Variants in CPNE8 observed in about 807,000 individuals in gnomAD.
The protein encoded by CPNE8 is copine-8.
CPNE8 carries 45 observed loss-of-function variants against 81.5 expected under a neutral mutation model. The observed-to-expected ratio is 0.55, with a 90% CI of 0.44 to 0.71. The LOEUF is 0.71. Ranked by LOEUF, CPNE8 falls within the 30% of genes least tolerant of loss-of-function variation. CPNE8 has a pLI of 0.00. For missense variants in CPNE8, 594 were observed against 672.1 expected (o/e 0.88, Z 1.28); for synonymous variants, 252 against 226.3 (o/e 1.11, Z -1.02).
intron 15 of CPNE8, 195 bp from the exon 16 acceptor site, chr12:38,685,812 G>A: frequency 2.3e-6 from 1 of 432,218 alleles, no homozygotes; most frequent in Non-Finnish European, 4.1e-6. Flanking sequence ...ATATTATGTA[G>A]ATAATAACAT....
chr12:38,655,248 G>A (rs545166752), intron 19 of CPNE8, among the ~76,000 whole-genome samples: 3 of 152,110 alleles, frequency 2.0e-5, no homozygotes, highest in South Asian at 2.1e-4. Flanking sequence ...AGCCCTTATC[G>A]GCTCAATACC....
rs1944557333 is a variant in CPNE8 at position 38,905,511 on chromosome 12, A to T, written c.24T>A (p.Thr8=). 1 of 1,570,716 alleles carries T rather than the reference A, an allele frequency of 6.4e-7. No individual in the cohort carries two copies. Among genetic ancestry groups the T allele is most frequent in the African/African-American group, 1.3e-5 (1 of 74,258 alleles). The change falls in exon 1 of 20, where the codon ACT becomes ACA. Residue 8 remains threonine, a synonymous_variant. Transcript: ENST00000331366. MDSRYNS[T]AGIGDLNQLS... ...GCTGGTTCAAGTCCCCGATGCCCGC[A>T]GTGCTGTTGTAGCGGCTGTCCATAT... is the stretch of plus-strand genomic sequence containing the variant.
At chr12:38,777,347 C>T (rs185752069) in intron 6 of CPNE8, among the ~76,000 whole-genome samples, 1 of 152,062 alleles carries the variant, frequency 6.6e-6, no homozygotes, top group Non-Finnish European at 1.5e-5. Flanking sequence ...TTTTGTACAG[C>T]TGTGCAATGT....
At chr12:38,782,452 G>A (rs955167854) in intron 6 of CPNE8, among the ~76,000 whole-genome samples, 1 of 152,006 alleles carries the variant, frequency 6.6e-6, no homozygotes, top group African/African-American at 2.4e-5. Flanking sequence ...ATCATATTGT[G>A]GTTGTGTAAA....
rs34024109 is a variant in CPNE8, at chr12:38,905,463, C to G, written c.72G>C (p.Thr24=). 17,221 of 1,571,890 alleles carry G rather than the reference C, an allele frequency of 0.011. 246 individuals carry two copies. The highest frequency in any genetic ancestry group is 0.047 in the South Asian group (4,056 of 85,618). ...TGCAGGACACGGACACCTCCACCCG[C>G]GTGGCCGGGATGGCAGCGCTCAGCT... ...LNQLSAAIPA[T]RVEVSVSCRN... is the part of the protein sequence containing the mutation. Residue 24 remains threonine (T), a synonymous_variant, in exon 1 of 20, where the codon ACG becomes ACC. Coordinates refer to ENST00000331366, the MANE Select transcript of CPNE8 (RefSeq NM_153634.3).
intron 13 of CPNE8, among the ~76,000 whole-genome samples, chr12:38,709,488 C>T (rs1051499335): frequency 2.0e-5 from 3 of 152,140 alleles, no homozygotes; most frequent in African/African-American, 4.8e-5. Context: ...TCATGATTCA[C>T]GTGATCTTGA....
chr12:38,787,356 T>C (rs1158918404), intron 6 of CPNE8, among the ~76,000 whole-genome samples: 5 of 151,408 alleles, frequency 3.3e-5, no homozygotes, highest in South Asian at 2.1e-4. Flanking sequence ...CTGAAATGAA[T>C]GGTGGGTCAG....
At chr12:38,836,033 T>C (rs1040802464) in intron 5 of CPNE8, among the ~76,000 whole-genome samples, 2 of 152,176 alleles carry the variant, frequency 1.3e-5, no homozygotes, top group Non-Finnish European at 2.9e-5. Flanking sequence ...GGGCCTGTCA[T>C]TAATCCTTTC....
intron 13 of CPNE8, among the ~76,000 whole-genome samples, chr12:38,714,838 T>A (rs1455962065): frequency 1.3e-5 from 2 of 152,126 alleles, no homozygotes; most frequent in African/African-American, 4.8e-5. Flanking sequence ...TCACAAACAA[T>A]CAAGCTGGTA....
chr12:38,796,306 A>G (rs1421527058), intron 6 of CPNE8, among the ~76,000 whole-genome samples: 1 of 152,082 alleles, frequency 6.6e-6, no homozygotes, highest in Non-Finnish European at 1.5e-5. Flanking sequence ...AAAACAAAAA[A>G]AAAATCTTGA....
chr12:38,902,423 AAG>A lies in CPNE8; in HGVS notation c.98+3012_98+3013del, dbSNP rs879570207. Among the ~76,000 whole-genome samples the A allele has an allele frequency of 2.0e-3, 236 of 118,126 alleles. 20 individuals carry two copies. The highest frequency in any genetic ancestry group is 0.011 in the African/African-American group (193 of 17,882). 77.5% of individuals were successfully genotyped at this position (118,126 alleles called of 152,430 possible). On this transcript the variant is annotated intron_variant, in intron 1 of 19. Coordinates refer to ENST00000331366, the MANE Select transcript of CPNE8 (RefSeq NM_153634.3). ...AGAAAGAAAGAAAGAAAGAAAAAGA[AAG>A]AAAGAAAGAAAGGAGAGAGAGAAAG... is the stretch of plus-strand genomic sequence containing the variant.
intron 10 of CPNE8, among the ~76,000 whole-genome samples, chr12:38,748,447 C>T (rs1941283999): frequency 6.6e-6 from 1 of 152,064 alleles, no homozygotes; most frequent in South Asian, 2.1e-4. Flanking sequence ...CCAATATTAC[C>T]TTAGAATAGA....
chr12:38,705,508 A>G (rs1027623603), intron 13 of CPNE8, among the ~76,000 whole-genome samples: 1 of 152,196 alleles, frequency 6.6e-6, no homozygotes, highest in Admixed American at 6.5e-5. Flanking sequence ...AATCAGGTTT[A>G]TAGGCTAAGA....
At chr12:38,801,858 C>T (rs1354829703) in intron 6 of CPNE8, among the ~76,000 whole-genome samples, 38 of 97,382 alleles carry the variant, frequency 3.9e-4, no homozygotes, top group African/African-American at 1.3e-3. Context: ...GGTTGCAATC[C>T]TAGTCTCTGA....
chr12:38,676,127 A>AT (rs1939283665), intron 17 of CPNE8: 1 of 446,756 alleles, frequency 2.2e-6, no homozygotes, highest in African/African-American at 2.1e-5. Flanking sequence ...AAAAAAAAAA[A>AT]AATTAAAAAA....
chr12:38,837,866 G>T (rs1053119433), intron 5 of CPNE8, among the ~76,000 whole-genome samples: 1 of 152,024 alleles, frequency 6.6e-6, no homozygotes, highest in African/African-American at 2.4e-5. Flanking sequence ...AATTTCTTAC[G>T]ATGAGAAGAT....
intron 15 of CPNE8, among the ~76,000 whole-genome samples, chr12:38,687,277 C>T (rs980608990): frequency 6.6e-6 from 1 of 151,368 alleles, no homozygotes; most frequent in African/African-American, 2.4e-5. Context: ...TCACACAACA[C>T]GAAGAGGAGA....
chr12:38,791,226 C>A (rs1942315059), intron 6 of CPNE8, among the ~76,000 whole-genome samples: 1 of 151,610 alleles, frequency 6.6e-6, no homozygotes, highest in Admixed American at 6.6e-5. Flanking sequence ...ACAGATGTTT[C>A]ATTTCTCCCA....
chr12:38,883,833 G>A (rs117539120), intron 1 of CPNE8, among the ~76,000 whole-genome samples: 2 of 152,238 alleles, frequency 1.3e-5, no homozygotes, highest in East Asian at 3.9e-4. Context: ...GCACCTTCAG[G>A]CAGATGTGAC....
Sources: allele counts gnomAD v4.1 joint callset (sites outside exome capture counted in the v4.1 genomes callset), GRCh38; gene constraint gnomAD v4.1.1; transcripts MANE v1.5; gene names NCBI Gene and HGNC (gene_info 2026-07-23, HGNC 2026-07-21).